Variants in PCSK2 observed in about 807,000 individuals in gnomAD.
PCSK2 encodes the protein neuroendocrine convertase 2.
Under a neutral mutation model 69.7 loss-of-function variants are expected in PCSK2, and 14 were observed. The observed-to-expected ratio is 0.20, with a 90% confidence interval of 0.13 to 0.31. The LOEUF (loss-of-function observed/expected upper bound fraction) is 0.31, where lower values mean the gene tolerates loss of function less well. PCSK2 is among the 10% of genes least tolerant of loss of function. PCSK2 has a pLI of 1.00. For missense variants in PCSK2, 544 were observed against 842.5 expected (o/e 0.65, Z 4.39); for synonymous variants, 307 against 320.7 (o/e 0.96, Z 0.46).
At chr20:17,263,233 G>A in intron 2 of PCSK2, 1 of 554,310 alleles carries the variant, frequency 1.8e-6, no homozygotes, top group Non-Finnish European at 2.3e-6. Flanking sequence ...TAATTTTTAT[G>A]CTAAAAGGAA....
At chr20:17,434,534 C>T (rs1474784830) in intron 7 of PCSK2, among the ~76,000 whole-genome samples, 1 of 152,154 alleles carries the variant, frequency 6.6e-6, no homozygotes, top group African/African-American at 2.4e-5. Context: ...AATGTTAAAA[C>T]AGTCAGAAGA....
intron 2 of PCSK2, among the ~76,000 whole-genome samples, chr20:17,262,018 CAG>C (rs1987406380): frequency 6.6e-6 from 1 of 152,176 alleles, no homozygotes; most frequent in Admixed American, 6.5e-5. Flanking sequence ...CCTGTTTGGT[CAG>C]AGAGACTATT....
chr20:17,274,371 A>G (rs6136045), intron 2 of PCSK2, among the ~76,000 whole-genome samples: 9,291 of 152,176 alleles, frequency 0.061, 421 homozygotes, highest in East Asian at 0.13. Context: ...TCCTCTATCC[A>G]TAGGTAGAGT....
In PCSK2 at chr20:17,481,388, C is replaced by CAAAAAA. The variant is rs3076146; in HGVS notation, c.1431-175_1431-170dup. Among the ~76,000 whole-genome samples, 8 of 65,692 alleles carry CAAAAAA rather than the reference C, an allele frequency of 1.2e-4. 2 individuals carry two copies. The highest frequency in any genetic ancestry group is 5.3e-4 in the African/African-American group (7 of 13,178). The allele number at this position is 65,692 out of a possible 152,430, so 43.1% of individuals were successfully genotyped here. ...CAGAGTGGGACCCTGTCTCAAAAGA[C>CAAAAAA]AAAAAAAAAAAAAAAAAAAAAAAAA... On this transcript the variant is annotated intron_variant, in intron 11 of 11. Transcript: ENST00000262545.
intron 1 of PCSK2, among the ~76,000 whole-genome samples, chr20:17,235,525 A>T (rs1291177057): frequency 3.9e-5 from 6 of 152,216 alleles, no homozygotes; most frequent in Non-Finnish European, 8.8e-5. Flanking sequence ...AAGCATCAAG[A>T]ACATAAAGAT....
chr20:17,421,807 T>TA (rs56376793), intron 6 of PCSK2, among the ~76,000 whole-genome samples: 2,240 of 78,698 alleles, frequency 0.028, 117 homozygotes, highest in East Asian at 0.061. Flanking sequence ...GGAAGAGAGG[T>TA]AAAAAAAAAA....
intron 2 of PCSK2, among the ~76,000 whole-genome samples, chr20:17,308,347 T>G (rs939753661): frequency 6.6e-6 from 1 of 152,138 alleles, no homozygotes; most frequent in Non-Finnish European, 1.5e-5. Flanking sequence ...TGATAGAAGA[T>G]AAATAGGTAG....
chr20:17,320,880 G>A lies in PCSK2; in HGVS notation c.283-37447G>A, dbSNP rs911510892. 2.6e-5 allele frequency among the ~76,000 whole-genome samples: 4 copies of A among 152,246 alleles called. No individual in the cohort carries two copies. In the East Asian group the frequency reaches 5.8e-4, roughly 22 times the overall value. On this transcript the variant is annotated intron_variant, in intron 2 of 11. Transcript: ENST00000262545. ...GAGTCCTTCTGCCTTAACCATCGCC[G>A]GAGTACTAACTAGAAAGTCAGGACT... is the stretch of plus-strand genomic sequence containing the variant.
intron 5 of PCSK2, among the ~76,000 whole-genome samples, chr20:17,396,368 T>A (rs1333671290): frequency 6.6e-6 from 1 of 152,220 alleles, no homozygotes; most frequent in Non-Finnish European, 1.5e-5. Flanking sequence ...TAAGCCCATC[T>A]GCAGGCTGCC....
At chr20:17,243,918 GC>G (rs1826062821) in intron 1 of PCSK2, among the ~76,000 whole-genome samples, 1 of 152,110 alleles carries the variant, frequency 6.6e-6, no homozygotes, top group African/African-American at 2.4e-5. Flanking sequence ...ACAACCACAT[GC>G]AACATGTGAT....
intron 4 of PCSK2, among the ~76,000 whole-genome samples, chr20:17,363,038 C>G (rs548133576): frequency 6.6e-6 from 1 of 152,236 alleles, no homozygotes; most frequent in Non-Finnish European, 1.5e-5. Flanking sequence ...ATGTCCCAGA[C>G]ATTTTCTTGG....
intron 2 of PCSK2, among the ~76,000 whole-genome samples, chr20:17,336,886 C>G (rs930915284): frequency 2.0e-5 from 3 of 152,062 alleles, no homozygotes; most frequent in African/African-American, 7.2e-5. Flanking sequence ...TCCTAGGTGT[C>G]CATGTGCAAA....
intron 2 of PCSK2, among the ~76,000 whole-genome samples, chr20:17,348,019 AAG>A (rs1990731112): frequency 6.9e-6 from 1 of 145,334 alleles, no homozygotes; most frequent in Non-Finnish European, 1.5e-5. Flanking sequence ...AAAGAGAGAA[AAG>A]AGAAAGAAAG....
intron 2 of PCSK2, among the ~76,000 whole-genome samples, chr20:17,347,860 G>GGA (rs1990704015): frequency 2.3e-5 from 2 of 88,510 alleles, no homozygotes; most frequent in African/African-American, 8.7e-5. Flanking sequence ...AAGAAAGAAA[G>GGA]AGGAGAGAGA....
intron 5 of PCSK2, among the ~76,000 whole-genome samples, chr20:17,404,405 A>G (rs1443023006): frequency 6.6e-6 from 1 of 152,242 alleles, no homozygotes; most frequent in African/African-American, 2.4e-5. Flanking sequence ...GTAGGTTGAG[A>G]AACAGAAGAA....
intron 4 of PCSK2, among the ~76,000 whole-genome samples, chr20:17,363,574 A>T (rs763133687): frequency 6.6e-6 from 1 of 152,184 alleles, no homozygotes; most frequent in Non-Finnish European, 1.5e-5. Context: ...GATGGACAAG[A>T]GTCATCCAGC....
intron 5 of PCSK2, among the ~76,000 whole-genome samples, chr20:17,369,510 C>T (rs981320728): frequency 5.9e-5 from 9 of 152,130 alleles, no homozygotes; most frequent in African/African-American, 9.7e-5. Context: ...AAGATGCACA[C>T]GTACTCATAG....
chr20:17,227,528 CG>C (rs768427020), intron 1 of PCSK2, 46 bp downstream of exon 1: 62 of 1,460,940 alleles, frequency 4.2e-5, no homozygotes, highest in Non-Finnish European at 5.1e-5. Context: ...AACGGGGGGA[CG>C]GGGGGGCAGC....
At chr20:17,324,525 G>A (rs748489406) in intron 2 of PCSK2, among the ~76,000 whole-genome samples, 2 of 152,124 alleles carry the variant, frequency 1.3e-5, no homozygotes, top group African/African-American at 2.4e-5. Flanking sequence ...ATTTAGAGAC[G>A]AGTAACCAAG....
Sources: allele counts gnomAD v4.1 joint callset (sites outside exome capture counted in the v4.1 genomes callset), GRCh38; gene constraint gnomAD v4.1.1; transcripts MANE v1.5; gene names NCBI Gene and HGNC (gene_info 2026-07-23, HGNC 2026-07-21).